Variants in FUT9 observed in about 807,000 individuals in gnomAD.
FUT9 encodes the protein fucosyltransferase 9.
Under a neutral mutation model 29.7 loss-of-function variants are expected in FUT9, and 15 were observed. The observed-to-expected ratio is 0.51, with a 90% CI of 0.34 to 0.78. The LOEUF (loss-of-function observed/expected upper bound fraction) is 0.78. Ranked by LOEUF, FUT9 falls within the 30% of genes least tolerant of loss-of-function variation. The pLI is 0.01. For missense variants in FUT9, 319 were observed against 425.4 expected, an observed-to-expected ratio of 0.75 and a Z score of 2.20; for synonymous variants, 169 against 153.7, an observed-to-expected ratio of 1.10 and a Z score of -0.74.
chr6:96,125,435 A>G (rs1772116370), intron 2 of FUT9, among the ~76,000 whole-genome samples: 1 of 152,242 alleles, frequency 6.6e-6, no homozygotes, highest in Admixed American at 6.5e-5. Flanking sequence ...TTGATTACAG[A>G]AGTACTTAAT....
chr6:96,019,457 C>G (rs538300445), intron 1 of FUT9, among the ~76,000 whole-genome samples: 154 of 151,880 alleles, frequency 1.0e-3, no homozygotes, highest in African/African-American at 3.5e-3. Flanking sequence ...CAAATAACCC[C>G]CAAATTACAC....
intron 1 of FUT9, among the ~76,000 whole-genome samples, chr6:96,028,110 G>A (rs6900819): frequency 0.17 from 25,100 of 151,474 alleles, 2,786 homozygotes; most frequent in Admixed American, 0.31. Flanking sequence ...TGGCAATCTT[G>A]TGCAGAAGAA....
In FUT9 at chr6:96,212,716, T is replaced by G; in HGVS notation, c.*8481T>G. ...ATGAAATTGTTGAGGTTAAACATCT[T>G]CATTATAATAATATGTCTTATTCTG... On this transcript the variant is annotated 3_prime_UTR_variant, in exon 3 of 3. Transcript: ENST00000302103. 1 of 185,298 alleles carries G rather than the reference T, an allele frequency of 5.4e-6. No individual in the cohort carries two copies. The highest frequency in any genetic ancestry group is 2.0e-4 in the South Asian group (1 of 4,968). 11.5% of individuals were successfully genotyped at this position (185,298 alleles called of 1,614,324 possible).
At chr6:96,090,082 A>G (rs942738271) in intron 1 of FUT9, among the ~76,000 whole-genome samples, 1 of 152,142 alleles carries the variant, frequency 6.6e-6, no homozygotes, top group African/African-American at 2.4e-5. Context: ...AAGTTTGAAC[A>G]ATACAAGTAC....
intron 1 of FUT9, among the ~76,000 whole-genome samples, chr6:96,054,209 T>TTCTTAACTAAG (rs1270229210): frequency 6.6e-6 from 1 of 152,188 alleles, no homozygotes; most frequent in Non-Finnish European, 1.5e-5. Flanking sequence ...CAATCAACTC[T>TTCTTAACTAAG]TCTTTACTAA....
intron 2 of FUT9, among the ~76,000 whole-genome samples, chr6:96,143,896 AC>A (rs1772514661): frequency 6.9e-6 from 1 of 145,698 alleles, no homozygotes; most frequent in South Asian, 2.3e-4. Flanking sequence ...CTTATTCCAC[AC>A]CACCCAACTG....
chr6:96,189,815 G>A (rs1337567652), intron 2 of FUT9, among the ~76,000 whole-genome samples: 2 of 152,040 alleles, frequency 1.3e-5, no homozygotes, highest in East Asian at 1.9e-4. Flanking sequence ...CAAGTGAGAT[G>A]GGGCTCCGGA....
At chr6:96,112,172 C>A (rs895151035) in intron 1 of FUT9, among the ~76,000 whole-genome samples, 1 of 152,152 alleles carries the variant, frequency 6.6e-6, no homozygotes, top group Non-Finnish European at 1.5e-5. Context: ...ATTTGACCCA[C>A]GGCTACCAAT....
rs144654516 is a variant in FUT9 at position 96,188,071 on chromosome 6, G to A, written c.-8-15077G>A. Among the ~76,000 whole-genome samples, 383 of 152,156 alleles carry A rather than the reference G, an allele frequency of 2.5e-3. 4 individuals carry two copies. Among genetic ancestry groups the A allele is most frequent in the African/African-American group, 8.8e-3 (367 of 41,530 alleles). ...CCTTTCTACACTCTCCTGATGGCAC[G>A]TGACCACTGTTCCTGGCCGTTGGCT... On this transcript the variant is annotated intron_variant, in intron 2 of 2. Coordinates refer to ENST00000302103, the MANE Select transcript of FUT9 (RefSeq NM_006581.4).
chr6:96,187,416 C>A (rs1242173866), intron 2 of FUT9, among the ~76,000 whole-genome samples: 2 of 152,028 alleles, frequency 1.3e-5, no homozygotes, highest in African/African-American at 4.8e-5. Flanking sequence ...TAGGGAGGAG[C>A]AGAAATGAGC....
intron 1 of FUT9, among the ~76,000 whole-genome samples, chr6:96,096,847 T>A (rs548019887): frequency 2.6e-4 from 40 of 152,176 alleles, no homozygotes; most frequent in African/African-American, 9.6e-4. Flanking sequence ...TAGCACAATA[T>A]GGTTTTTATT....
intron 2 of FUT9, among the ~76,000 whole-genome samples, chr6:96,134,946 T>A (rs929833548): frequency 1.3e-5 from 2 of 151,900 alleles, no homozygotes; most frequent in Non-Finnish European, 2.9e-5. Context: ...TTGTCCTCGG[T>A]CCCCCATGAA....
intron 2 of FUT9, among the ~76,000 whole-genome samples, chr6:96,190,739 C>T (rs1347062796): frequency 6.6e-6 from 1 of 152,176 alleles, no homozygotes; most frequent in Admixed American, 6.5e-5. Flanking sequence ...AATTCTTGTG[C>T]CATGGTTTTC....
intron 1 of FUT9, among the ~76,000 whole-genome samples, chr6:96,074,219 C>A (rs911004373): frequency 6.6e-6 from 1 of 152,062 alleles, no homozygotes; most frequent in African/African-American, 2.4e-5. Context: ...GGCAGCTGCA[C>A]GTGGCCTATT....
chr6:96,190,448 T>C (rs538529457), intron 2 of FUT9, among the ~76,000 whole-genome samples: 1 of 152,290 alleles, frequency 6.6e-6, no homozygotes, highest in South Asian at 2.1e-4. Flanking sequence ...ATTTGAATGT[T>C]GGCCTGCCTT....
intron 1 of FUT9, among the ~76,000 whole-genome samples, chr6:96,096,707 T>TGTGTGTGTGTGTGTGTGTG: frequency 6.6e-6 from 1 of 151,466 alleles, no homozygotes; most frequent in Non-Finnish European, 1.5e-5. Flanking sequence ...TGTGTGTGTG[T>TGTGTGTGTGTGTGTGTGTG]CTTATTCTTT....
At chr6:96,185,939 T>C (rs2127987289) in intron 2 of FUT9, among the ~76,000 whole-genome samples, 1 of 152,222 alleles carries the variant, frequency 6.6e-6, no homozygotes, top group East Asian at 1.9e-4. Context: ...AATTTCCCGA[T>C]ATAAGAAAAA....
At chr6:96,167,204 G>C (rs571478948) in intron 2 of FUT9, among the ~76,000 whole-genome samples, 1 of 152,234 alleles carries the variant, frequency 6.6e-6, no homozygotes, top group Middle Eastern at 3.4e-3. Context: ...GGAAGTTATT[G>C]GATGTGATCC....
intron 2 of FUT9, among the ~76,000 whole-genome samples, chr6:96,168,269 G>A (rs962577795): frequency 1.3e-5 from 2 of 152,174 alleles, no homozygotes; most frequent in Non-Finnish European, 2.9e-5. Context: ...CTAGAGTTCA[G>A]GAGTGATCTG....
Sources: allele counts gnomAD v4.1 joint callset (sites outside exome capture counted in the v4.1 genomes callset), GRCh38; gene constraint gnomAD v4.1.1; transcripts MANE v1.5; gene names NCBI Gene and HGNC (gene_info 2026-07-23, HGNC 2026-07-21).